Variants in APLP1 observed in about 807,000 individuals in gnomAD.
APLP1 encodes the protein amyloid beta (A4) precursor-like protein 1.
APLP1 carries 46 observed loss-of-function variants against 84.5 expected under a neutral mutation model. The observed-to-expected ratio is 0.54, with a 90% CI of 0.43 to 0.70. APLP1 has a LOEUF of 0.70. Among genes scored for constraint, APLP1 ranks in the 30% least tolerant of loss-of-function variants. APLP1 has a pLI of 0.00. For synonymous variants in APLP1, 376 were observed against 364.0 expected, an observed-to-expected ratio of 1.03 and a Z score of -0.38; for missense variants, 826 against 900.2, an observed-to-expected ratio of 0.92 and a Z score of 1.05.
intron 10 of APLP1, among the ~76,000 whole-genome samples, chr19:35,875,275 C>T (rs1974256394): frequency 6.6e-6 from 1 of 151,306 alleles, no homozygotes; most frequent in Non-Finnish European, 1.5e-5. Context: ...AATTCTCCTG[C>T]CTCAGCCTCT....
chr19:35,873,956 T>C (rs1215237838), intron 8 of APLP1, among the ~76,000 whole-genome samples: 1 of 152,248 alleles, frequency 6.6e-6, no homozygotes, highest in African/African-American at 2.4e-5. Flanking sequence ...CTCTCAGGGC[T>C]GGCTCTGGAG....
chr19:35,872,566 A>G lies in APLP1; in HGVS notation c.934A>G (p.Arg312Gly). The change falls in exon 7 of 17, where the codon AGG becomes GGG. Residue 312 changes from arginine (R) to glycine (G), a missense_variant. Transcript: ENST00000221891. Reference protein sequence around the residue: ...GEISEHEGFLRAKMDLEERRM... With the variant: ...GEISEHEGFLGAKMDLEERRM... ...AATCAGTGAGCACGAGGGGTTCCTG[A>G]GGGCCAAGATGGACCTGGAGGAGCG... The G allele has an allele frequency of 6.2e-7, 1 of 1,613,854 alleles. No homozygotes were observed. The highest frequency in any genetic ancestry group is 1.7e-5 in the Admixed American group (1 of 60,002).
At chr19:35,870,179 A>G in intron 2 of APLP1, 1 of 293,394 alleles carries the variant, frequency 3.4e-6, no homozygotes, top group South Asian at 5.7e-5. Context: ...TGGCCATGAA[A>G]AGACAAATTT....
chr19:35,870,864 G>A (rs1342708874), intron 2 of APLP1, 32 bp from the exon 3 acceptor site: 2 of 1,591,618 alleles, frequency 1.3e-6, no homozygotes, highest in African/African-American at 1.3e-5. Context: ...GGGCGGGGCA[G>A]TGGGCTGATT....
intron 8 of APLP1, 52 bp downstream of exon 8, chr19:35,873,765 A>G (rs1286733485): frequency 1.7e-5 from 26 of 1,549,798 alleles, no homozygotes; most frequent in Non-Finnish European, 2.1e-5. Flanking sequence ...CCTGGAGCAC[A>G]CTCAGTTTCA....
chr19:35,874,911 C>A lies in APLP1; in HGVS notation c.1344+42C>A. Reference sequence around the variant, plus strand: ...AGCTCCCAAATGCGCCGCTATTCCTCAGACGCCCGCGCCTCAGGCTCTTCT... The same window carrying A: ...AGCTCCCAAATGCGCCGCTATTCCTAAGACGCCCGCGCCTCAGGCTCTTCT... On this transcript the variant is annotated intron_variant, in intron 10 of 16. Coordinates refer to ENST00000221891, the MANE Select transcript of APLP1 (RefSeq NM_001024807.3). This position sits in a 1 kb window ranked among gnomAD's most constrained non-coding sequence, Gnocchi z 6.4. 6.3e-7 allele frequency: 1 copy of A among 1,591,730 alleles called. No homozygotes were observed. The highest frequency in any genetic ancestry group is 8.5e-7 in the Non-Finnish European group (1 of 1,174,644).
chr19:35,873,330 C>T (rs1367999864), intron 7 of APLP1, among the ~76,000 whole-genome samples: 1 of 151,314 alleles, frequency 6.6e-6, no homozygotes, highest in Admixed American at 6.6e-5. Flanking sequence ...TCACTGCAAG[C>T]TCCACCTCCT....
chr19:35,878,237 C>T, intron 13 of APLP1, 129 bp downstream of exon 13: 1 of 1,023,724 alleles, frequency 9.8e-7, no homozygotes, highest in Non-Finnish European at 1.5e-6. Flanking sequence ...CCAGCCCCCT[C>T]CTCTGGACCC....
At chr19:35,878,547 AG>A (rs1304509032) in intron 13 of APLP1, 36 bp from the exon 14 acceptor site, 1 of 1,598,356 alleles carries the variant, frequency 6.3e-7, no homozygotes, top group South Asian at 1.1e-5. Flanking sequence ...CTCTGTCTAA[AG>A]AAAAAAAAAA....
intron 11 of APLP1, 95 bp downstream of exon 11, chr19:35,876,711 T>C (rs1484009806): frequency 4.0e-6 from 4 of 991,316 alleles, no homozygotes; most frequent in Admixed American, 3.0e-5. Flanking sequence ...TATTCCTCTA[T>C]AACAAACAGC....
Position 35,869,801 on chromosome 19 carries a change from C to T in APLP1, c.282C>T (p.Tyr94=). The change falls in exon 2 of 17, where the codon TAC becomes TAT. Residue 94 remains tyrosine, a synonymous_variant. Coordinates refer to ENST00000221891, the MANE Select transcript of APLP1 (RefSeq NM_001024807.3). The stretch of plus-strand genomic sequence containing the variant: ...GGGACCCGCAGCGCGTGCTGGAGTA[C>T]TGCAGACAGGTGGGCGGGGCCGAAC... ...CLRDPQRVLE[Y]CRQMYPELQI... 6.3e-7 allele frequency: 1 copy of T among 1,597,608 alleles called. No individual in the cohort carries two copies. Among genetic ancestry groups the T allele is most frequent in the Non-Finnish European group, 8.5e-7 (1 of 1,173,466 alleles).
At chr19:35,877,948 C>A in intron 12 of APLP1, 123 bp downstream of exon 12, 4 of 1,282,590 alleles carry the variant, frequency 3.1e-6, no homozygotes, top group Non-Finnish European at 4.4e-6. Flanking sequence ...TGAGGAGGAA[C>A]GTCTAAGGTT....
In APLP1 at chr19:35,869,776, G is replaced by A. The variant is rs373971997; in HGVS notation, c.257G>A (p.Arg86Gln). 1.2e-6 allele frequency: 2 copies of A among 1,604,868 alleles called. No homozygotes were observed. The highest frequency in any genetic ancestry group is 2.7e-5 in the African/African-American group (2 of 74,726). ...PDPQRSRRCL[R>Q]DPQRVLEYCR... is the part of the protein sequence containing the mutation. ...CCACAGCGCTCTCGACGCTGTCTCC[G>A]GGACCCGCAGCGCGTGCTGGAGTAC... The change falls in exon 2 of 17, where the codon CGG becomes CAG. Residue 86 changes from arginine to glutamine, a missense_variant. Arg to Gln is a conservative substitution (Grantham distance 43). Transcript: ENST00000221891.
chr19:35,869,790 G>A lies in APLP1; in HGVS notation c.271G>A (p.Val91Met), dbSNP rs773580599. The A allele has an allele frequency of 2.5e-6, 4 of 1,601,112 alleles. No homozygotes were observed. Among genetic ancestry groups the A allele is most frequent in the South Asian group, 2.2e-5 (2 of 89,510 alleles). The change falls in exon 2 of 17, where the codon GTG becomes ATG. Residue 91 changes from valine (V) to methionine (M), a missense_variant. Around this residue, in one of 3 missense-constraint regions of APLP1, gnomAD observed 383 missense variants for 378.3 expected, o/e 1.01. Coordinates refer to ENST00000221891, the MANE Select transcript of APLP1 (RefSeq NM_001024807.3). ...ACGCTGTCTCCGGGACCCGCAGCGC[G>A]TGCTGGAGTACTGCAGACAGGTGGG... ...SRRCLRDPQR[V>M]LEYCRQMYPE...
At position 35,871,019 on chromosome 19, in the gene APLP1, C is replaced by T. The variant is rs1389645984; in HGVS notation, c.415C>T (p.Arg139Cys). The T allele has an allele frequency of 2.0e-6, 3 of 1,531,192 alleles. No homozygotes were observed. Among genetic ancestry groups the T allele is most frequent in the South Asian group, 2.5e-5 (2 of 79,416 alleles). 94.9% of individuals were successfully genotyped at this position (1,531,192 alleles called of 1,614,324 possible). A position where few individuals can be genotyped will look rare whatever the true frequency, so the allele number is the denominator to read the frequency against. Reference sequence around the variant, plus strand: ...CCCCCACCACCAGGTTGTGCCCTTCCGCTGCCTGCGTGAGTCCCAGGCGGG... The same window carrying T: ...CCCCCACCACCAGGTTGTGCCCTTCTGCTGCCTGCGTGAGTCCCAGGCGGG... Reference protein sequence around the residue: ...AHPHHQVVPFRCLPGEFVSEA... With the variant: ...AHPHHQVVPFCCLPGEFVSEA... Residue 139 changes from arginine to cysteine, a missense_variant, in exon 3 of 17, where the codon CGC becomes TGC. By Grantham distance (180) the Arg-to-Cys change is radical (BLOSUM62 -3). Transcript: ENST00000221891.
In APLP1 at chr19:35,874,902, G is replaced by T. The variant is rs751049170; in HGVS notation, c.1344+33G>T. ...CATCCTTCCAGCTCCCAAATGCGCC[G>T]CTATTCCTCAGACGCCCGCGCCTCA... On this transcript the variant is annotated intron_variant, in intron 10 of 16. Transcript: ENST00000221891. This position sits in a 1 kb window ranked among gnomAD's most constrained non-coding sequence, Gnocchi z 6.4. 2.5e-6 allele frequency: 4 copies of T among 1,598,498 alleles called. No homozygotes were observed. Among genetic ancestry groups the T allele is most frequent in the Admixed American group, 1.7e-5 (1 of 59,756 alleles).
In APLP1 at chr19:35,879,191, G is replaced by C. The variant is rs775412458; in HGVS notation, c.1831G>C (p.Gly611Arg). 1.2e-6 allele frequency: 2 copies of C among 1,613,000 alleles called. No individual in the cohort carries two copies. The highest frequency in any genetic ancestry group is 2.2e-5 in the South Asian group (2 of 91,082). ...MLLLRRKKPYGAISHGVVEVD... is the reference protein window; with the variant it reads ...MLLLRRKKPYRAISHGVVEVD... ...GCTCCTGCGCAGGAAGAAGCCCTAC[G>C]GGGCTATCAGCCATGGCGTGGTGGA... Residue 611 changes from glycine to arginine, a missense_variant, in exon 16 of 17, where the codon GGG becomes CGG. Gly to Arg is a moderately radical substitution (Grantham distance 125, BLOSUM62 -2). Coordinates refer to ENST00000221891, the MANE Select transcript of APLP1 (RefSeq NM_001024807.3).
chr19:35,874,533 G>T lies in APLP1; in HGVS notation c.1086G>T (p.Glu362Asp). Residue 362 changes from glutamate to aspartate, a missense_variant, in exon 9 of 17, where the codon GAG becomes GAT. Glu to Asp is a conservative substitution (Grantham distance 45). Around this residue, in one of 3 missense-constraint regions of APLP1, gnomAD observed 433 missense variants for 496.5 expected, o/e 0.87. Coordinates refer to ENST00000221891, the MANE Select transcript of APLP1 (RefSeq NM_001024807.3). This position sits in a 1 kb window ranked among gnomAD's most constrained non-coding sequence, Gnocchi z 6.4. ...EHFQSILQTL[E>D]EQVSGERQRL... The stretch of plus-strand genomic sequence containing the variant: ...TCCAGTCCATTCTGCAGACTCTGGA[G>T]GAGCAGGTGTCTGGTGAGCGACAGC... 6.2e-7 allele frequency: 1 copy of T among 1,614,216 alleles called. No individual in the cohort carries two copies. The highest frequency in any genetic ancestry group is 8.5e-7 in the Non-Finnish European group (1 of 1,180,046).
chr19:35,878,030 T>C, intron 12 of APLP1, 52 bp from the exon 13 acceptor site: 1 of 1,586,864 alleles, frequency 6.3e-7, no homozygotes, highest in South Asian at 1.1e-5. Context: ...CTTTCTTTGC[T>C]GATACCCTCC....
Sources: allele counts gnomAD v4.1 joint callset (sites outside exome capture counted in the v4.1 genomes callset), GRCh38; gene constraint gnomAD v4.1.1; regional missense constraint gnomAD v4.1.1; non-coding constraint Gnocchi (gnomAD v3.1); transcripts MANE v1.5; gene names NCBI Gene and HGNC (gene_info 2026-07-23, HGNC 2026-07-21).